The following HELB variants were observed in gnomAD, a reference collection of about 807,000 sequenced individuals.
The protein encoded by HELB is DNA helicase B, also known as DNA 5'-3' helicase B.
A neutral mutation model predicts 101.7 loss-of-function variants in HELB; 96 were observed. The observed-to-expected ratio is 0.94, with a 90% confidence interval of 0.80 to 1.12. The LOEUF is 1.12. Among genes scored for constraint, HELB ranks in the 50% most tolerant of loss-of-function variants. HELB has a pLI of 0.00. For missense variants in HELB, 1,210 were observed against 1,291.9 expected, an observed-to-expected ratio of 0.94 and a Z score of 0.97; for synonymous variants, 437 against 459.7, an observed-to-expected ratio of 0.95 and a Z score of 0.63.
At chr12:66,323,569 C>T (rs1336134382) in intron 9 of HELB, among the ~76,000 whole-genome samples, 1 of 152,078 alleles carries the variant, frequency 6.6e-6, no homozygotes, top group Non-Finnish European at 1.5e-5. Context: ...GATATAGTGC[C>T]ATAATTATTA....
Position 66,325,122 on chromosome 12 carries a change from T to C in HELB, c.2666T>C (p.Phe889Ser), listed in dbSNP as rs2053721483. ...GCATGGGCAAGAACTATTCACACTTTTCAGGTAAGAGGAGACTTTTATCAA... is the reference window on the plus strand; with the variant it reads ...GCATGGGCAAGAACTATTCACACTTCTCAGGTAAGAGGAGACTTTTATCAA... The part of the protein sequence containing the change: ...KHAWARTIHT[F>S]QGSEEQTVVY... Residue 889 changes from phenylalanine to serine, a missense_variant, in exon 11 of 13, where the codon TTT becomes TCT. Physicochemically the swap from Phe to Ser is radical, Grantham distance 155 (BLOSUM62 -2). This residue lies in a region of HELB where 740 missense variants were observed against 728.8 expected (regional missense o/e 1.02). Transcript: ENST00000247815. The C allele has an allele frequency of 1.3e-6, 2 of 1,598,286 alleles. No homozygotes were observed. The highest frequency in any genetic ancestry group is 4.5e-5 in the East Asian group (2 of 44,736).
At chr12:66,323,662 G>A (rs1469407775) in intron 9 of HELB, among the ~76,000 whole-genome samples, 10 of 152,056 alleles carry the variant, frequency 6.6e-5, no homozygotes, top group African/African-American at 2.4e-4. Context: ...TAATTTTAAA[G>A]GAAAAAAATC....
intron 11 of HELB, among the ~76,000 whole-genome samples, chr12:66,328,097 G>A (rs981436006): frequency 6.6e-6 from 1 of 152,148 alleles, no homozygotes. Flanking sequence ...GACAGGAAAT[G>A]AGACAGGAAA....
At chr12:66,303,301 A>C in intron 1 of HELB, among the ~76,000 whole-genome samples, 1 of 151,936 alleles carries the variant, frequency 6.6e-6, no homozygotes, top group East Asian at 1.9e-4. Context: ...TATTGCCTGG[A>C]GTCAAATACG....
chr12:66,331,726 T>C lies in HELB; in HGVS notation c.3162+81T>C, dbSNP rs1227435575. 3.0e-6 allele frequency: 4 copies of C among 1,315,396 alleles called. No homozygotes were observed. In the Admixed American group the frequency reaches 6.2e-5, roughly 20 times the overall value. 81.5% of individuals were successfully genotyped at this position (1,315,396 alleles called of 1,614,324 possible). A position where few individuals can be genotyped will look rare whatever the true frequency, so the allele number is the denominator to read the frequency against. ...GTGCTTATAAATGACTGTGTGCTTT[T>C]ATTAGTGTTGCATTGTGCTGTTGGA... On this transcript the variant is annotated intron_variant, in intron 12 of 12. Coordinates refer to ENST00000247815, the MANE Select transcript of HELB (RefSeq NM_001370285.1).
rs746332545 is a variant in HELB at position 66,310,356 on chromosome 12, AG to A, written c.1430del (p.Gly477ValfsTer16). On this transcript the variant is annotated frameshift_variant, in exon 4 of 13. Coordinates refer to ENST00000247815, the MANE Select transcript of HELB (RefSeq NM_001370285.1). LOFTEE classifies it high-confidence loss of function. ...SNPVTVISGKGGCGKTTIVSR... is the reference protein window; with the variant it reads ...SNPVTVISGKXGCGKTTIVSR... ...ATCCTGTGACAGTCATAAGTGGGAA[AG>A]GTGGATGTGGGAAGACCACAATCGT... The A allele has an allele frequency of 5.6e-6, 9 of 1,614,228 alleles. No individual in the cohort carries two copies. The South Asian group carries it at 9.9e-5, about 18-fold the overall frequency.
In HELB at chr12:66,305,170, T is replaced by A; in HGVS notation, c.607+20T>A. On this transcript the variant is annotated intron_variant, in intron 2 of 12. Transcript: ENST00000247815. Reference sequence around the variant, plus strand: ...ACACAAGTAAGTGTGATTTTTATCATCAACTTTCAGTGTAATTGACATACT... The same window carrying A: ...ACACAAGTAAGTGTGATTTTTATCAACAACTTTCAGTGTAATTGACATACT... 4.2e-6 allele frequency: 6 copies of A among 1,420,622 alleles called. No homozygotes were observed. The highest frequency in any genetic ancestry group is 5.8e-6 in the Non-Finnish European group (6 of 1,040,948). 88.0% of individuals were successfully genotyped at this position (1,420,622 alleles called of 1,614,324 possible). A position where few individuals can be genotyped will look rare whatever the true frequency, so the allele number is the denominator to read the frequency against.
intron 1 of HELB, 68 bp downstream of exon 1, chr12:66,302,858 G>A: frequency 7.0e-7 from 1 of 1,418,914 alleles, no homozygotes; most frequent in Non-Finnish European, 9.5e-7. Flanking sequence ...TTCTGGCTTT[G>A]CCCTGAGCAA....
At chr12:66,341,775 A>G (rs529703930), downstream of HELB, 5 of 152,250 alleles carry the variant, frequency 3.3e-5, no homozygotes, top group East Asian at 7.7e-4. Flanking sequence ...GTGAGTTCTC[A>G]TGATAGCTGG....
intron 2 of HELB, among the ~76,000 whole-genome samples, chr12:66,305,561 G>A (rs2053464934): frequency 6.6e-6 from 1 of 151,976 alleles, no homozygotes; most frequent in South Asian, 2.1e-4. Context: ...GAGCAATGTA[G>A]TGAGACCTTG....
Position 66,331,495 on chromosome 12 carries a change from T to C in HELB, c.3012T>C (p.Ser1004=), listed in dbSNP as rs200825132. The change falls in exon 12 of 13, where the codon TCT becomes TCC. Residue 1004 remains serine (S), a synonymous_variant. Transcript: ENST00000247815. ...ATGATGTCACCTGGAGCGAGGCCTC[T>C]TCGCCTGATGAGAGGACACTCACCT... ...MTNDVTWSEA[S]SPDERTLTFA... 2.5e-6 allele frequency: 4 copies of C among 1,614,170 alleles called. No homozygotes were observed. The highest frequency in any genetic ancestry group is 3.4e-6 in the Non-Finnish European group (4 of 1,180,020).
Position 66,310,075 on chromosome 12 carries a change from GA to G in HELB, c.1151del (p.Lys384ArgfsTer19). The part of the protein sequence containing the change: ...KPPWHLCVDV[E>X]KVLASIHTTK... ...TCCTTGGCATTTATGTGTCGATGTC[GA>G]AAAGGTGCTTGCCTCTATTCACACC... On this transcript the variant is annotated frameshift_variant, in exon 4 of 13. Transcript: ENST00000247815. LOFTEE classifies it high-confidence loss of function. The G allele has an allele frequency of 6.2e-7, 1 of 1,614,166 alleles. No homozygotes were observed. Among genetic ancestry groups the G allele is most frequent in the Non-Finnish European group, 8.5e-7 (1 of 1,180,044 alleles).
In HELB at chr12:66,310,335, T is replaced by C. The variant is rs2053527890; in HGVS notation, c.1407T>C (p.Pro469=). 1.9e-6 allele frequency: 3 copies of C among 1,614,212 alleles called. No homozygotes were observed. Among genetic ancestry groups the C allele is most frequent in the African/African-American group, 2.7e-5 (2 of 75,060 alleles). Residue 469 remains proline (P), a synonymous_variant, in exon 4 of 13, where the codon CCT becomes CCC. Transcript: ENST00000247815. ...CTTTGGAAATGATTTGCTCCAATCCTGTGACAGTCATAAGTGGGAAAGGTG... is the reference window on the plus strand; with the variant it reads ...CTTTGGAAATGATTTGCTCCAATCCCGTGACAGTCATAAGTGGGAAAGGTG... The part of the protein sequence containing the change: ...VAALEMICSN[P]VTVISGKGGC...
Position 66,309,948 on chromosome 12 carries a change from T to C in HELB, c.1020T>C (p.Asp340=), listed in dbSNP as rs1265110350. 2 of 1,614,226 alleles carry C rather than the reference T, an allele frequency of 1.2e-6. No individual in the cohort carries two copies. The highest frequency in any genetic ancestry group is 1.7e-5 in the Admixed American group (1 of 60,030). Residue 340 remains aspartate, a synonymous_variant, in exon 4 of 13, where the codon GAT becomes GAC. Coordinates refer to ENST00000247815, the MANE Select transcript of HELB (RefSeq NM_001370285.1). ...AASESLKFLK[D]IGVVTYEKSC... ...CAGAGTCTCTGAAGTTTTTGAAGGA[T>C]ATTGGTGTGGTGACATATGAGAAGT...
At chr12:66,329,031 T>C (rs1189561605) in intron 11 of HELB, among the ~76,000 whole-genome samples, 1 of 152,188 alleles carries the variant, frequency 6.6e-6, no homozygotes, top group East Asian at 1.9e-4. Context: ...ATACAAGTGG[T>C]TGAGTTGTAG....
chr12:66,315,328 G>T lies in HELB; in HGVS notation c.1945G>T (p.Glu649Ter). The T allele has an allele frequency of 6.2e-7, 1 of 1,609,566 alleles. No homozygotes were observed. The highest frequency in any genetic ancestry group is 1.1e-5 in the South Asian group (1 of 90,400). The change falls in exon 6 of 13, where the codon GAG (glutamate) becomes TAG (stop). Residue 649 changes from glutamate (E) to a stop codon, truncating the protein, a stop_gained. Coordinates refer to ENST00000247815, the MANE Select transcript of HELB (RefSeq NM_001370285.1). LOFTEE classifies it high-confidence loss of function. ...TCTTAAGTCAAGAAATTGTGCTATT[G>T]AGCTAAAGACAAACCATAGAGCAGA... ...ETLKSRNCAI[E>*]LKTNHRAESQ...
intron 11 of HELB, among the ~76,000 whole-genome samples, chr12:66,326,122 C>T (rs575917636): frequency 6.6e-6 from 1 of 152,168 alleles, no homozygotes; most frequent in South Asian, 2.1e-4. Flanking sequence ...TGCAACTTGC[C>T]TTTATGCTTT....
chr12:66,306,658 A>AT (rs1431269553), intron 3 of HELB, 144 bp downstream of exon 3: 79 of 447,788 alleles, frequency 1.8e-4, no homozygotes, highest in African/African-American at 1.5e-3. Flanking sequence ...GCAACTGTAC[A>AT]TAAACTTCTT....
downstream of HELB, chr12:66,341,544 C>T (rs2053918424): frequency 6.6e-6 from 1 of 152,162 alleles, no homozygotes; most frequent in Non-Finnish European, 1.5e-5. Flanking sequence ...GAATTCTTTA[C>T]ATTTTCAACA....
Sources: allele counts gnomAD v4.1 joint callset (sites outside exome capture counted in the v4.1 genomes callset), GRCh38; gene constraint gnomAD v4.1.1; regional missense constraint gnomAD v4.1.1; transcripts MANE v1.5; gene names NCBI Gene and HGNC (gene_info 2026-07-23, HGNC 2026-07-21).